Variants in B3GAT2 observed in about 807,000 individuals in gnomAD.
B3GAT2 encodes the protein beta-1,3-glucuronyltransferase 2.
A neutral mutation model predicts 27.8 loss-of-function variants in B3GAT2; 26 were observed. The observed-to-expected ratio is 0.93, with a 90% CI of 0.68 to 1.30. The LOEUF is 1.30. Among genes scored for constraint, B3GAT2 ranks in the 50% most tolerant of loss-of-function variants. B3GAT2 has a pLI of 0.00. For synonymous variants in B3GAT2, 218 were observed against 195.1 expected (o/e 1.12, Z -0.98); for missense variants, 458 against 459.0 (o/e 1.00, Z 0.02).
At chr6:70,955,243 G>C (rs1765635294) in intron 1 of B3GAT2, among the ~76,000 whole-genome samples, 1 of 151,566 alleles carries the variant, frequency 6.6e-6, no homozygotes, top group African/African-American at 2.4e-5. Context: ...AGAGAGGAAG[G>C]ACCTCCATAG....
chr6:70,936,165 C>A (rs986917015), intron 1 of B3GAT2, among the ~76,000 whole-genome samples: 1 of 152,184 alleles, frequency 6.6e-6, no homozygotes, highest in Non-Finnish European at 1.5e-5. Context: ...AAGGCCGTTA[C>A]ATAACGGTAA....
chr6:70,914,729 G>A (rs1297134998), intron 1 of B3GAT2, among the ~76,000 whole-genome samples: 1 of 150,148 alleles, frequency 6.7e-6, no homozygotes, highest in African/African-American at 2.5e-5. Flanking sequence ...AAATGGGAAT[G>A]ATCCTAATCC....
intron 1 of B3GAT2, among the ~76,000 whole-genome samples, chr6:70,953,950 C>A (rs1177396933): frequency 1.3e-5 from 2 of 152,170 alleles, no homozygotes; most frequent in Non-Finnish European, 2.9e-5. Flanking sequence ...AGGCTGTGTC[C>A]TGAATCATTT....
chr6:70,911,368 T>A (rs1283664567), intron 1 of B3GAT2, among the ~76,000 whole-genome samples: 1 of 152,154 alleles, frequency 6.6e-6, no homozygotes, highest in Non-Finnish European at 1.5e-5. Context: ...CTTCTGCATA[T>A]GGGTAGCGAT....
chr6:70,894,211 T>C lies in B3GAT2; in HGVS notation c.653A>G (p.Glu218Gly). The part of the protein sequence containing the change: ...PVGLVGGRRY[E>G]RPLVENGKVV... Reference sequence around the variant, plus strand: ...TTTGCCGTTTTCCACCAGCGGACGTTCGTAGCGCCGCCCACCAACCAGGCC... The same window carrying C: ...TTTGCCGTTTTCCACCAGCGGACGTCCGTAGCGCCGCCCACCAACCAGGCC... Residue 218 changes from glutamate (E) to glycine (G), a missense_variant, in exon 2 of 4, where the codon GAA becomes GGA. By Grantham distance (98) the Glu-to-Gly change is moderately conservative (BLOSUM62 -2). Transcript: ENST00000230053. The C allele has an allele frequency of 6.2e-7, 1 of 1,613,898 alleles. No homozygotes were observed. The highest frequency in any genetic ancestry group is 8.5e-7 in the Non-Finnish European group (1 of 1,179,838).
At chr6:70,893,412 T>C (rs1216299218) in intron 2 of B3GAT2, among the ~76,000 whole-genome samples, 2 of 151,876 alleles carry the variant, frequency 1.3e-5, no homozygotes, top group Non-Finnish European at 2.9e-5. Flanking sequence ...GAATTTTTTT[T>C]TTTTTTGCCT....
chr6:70,903,074 T>C (rs937627015), intron 1 of B3GAT2, among the ~76,000 whole-genome samples: 3 of 152,104 alleles, frequency 2.0e-5, no homozygotes, highest in Non-Finnish European at 2.9e-5. Context: ...GTAATATGTA[T>C]TCCACAATGT....
intron 1 of B3GAT2, among the ~76,000 whole-genome samples, chr6:70,913,550 G>A (rs1304029): frequency 0.42 from 63,353 of 152,048 alleles, 13,664 homozygotes; most frequent in East Asian, 0.6. Context: ...CTTTTGTTGC[G>A]CCATGGTCCA....
chr6:70,932,994 C>A (rs1208594394), intron 1 of B3GAT2, among the ~76,000 whole-genome samples: 1 of 152,090 alleles, frequency 6.6e-6, no homozygotes, highest in Non-Finnish European at 1.5e-5. Context: ...GAGTTGGGGT[C>A]TCATGATGTT....
rs1771587124 is a variant in B3GAT2 at position 70,859,269 on chromosome 6, C to T, written c.*2394G>A. On this transcript the variant is annotated 3_prime_UTR_variant, in exon 4 of 4. Coordinates refer to ENST00000230053, the MANE Select transcript of B3GAT2 (RefSeq NM_080742.3). ...CATGGTCAACATGCTGAAGCACACC[C>T]AGCTCAGGTTAAGGTGCTAGATGAA... is the stretch of plus-strand genomic sequence containing the variant. 5 of 1,237,096 alleles carry T rather than the reference C, an allele frequency of 4.0e-6. No homozygotes were observed. The highest frequency in any genetic ancestry group is 3.0e-5 in the African/African-American group (2 of 66,444). 76.6% of individuals were successfully genotyped at this position (1,237,096 alleles called of 1,614,324 possible). A position where few individuals can be genotyped will look rare whatever the true frequency, so the allele number is the denominator to read the frequency against.
At position 70,860,240 on chromosome 6, in the gene B3GAT2, C is replaced by T. The variant is rs1452932664; in HGVS notation, c.*1423G>A. The T allele has an allele frequency of 1.9e-6, 3 of 1,613,520 alleles. No homozygotes were observed. The highest frequency in any genetic ancestry group is 1.1e-5 in the South Asian group (1 of 91,002). Reference sequence around the variant, plus strand: ...GCTGGCATGAGTATCAGTAGTGCAACCCCTACTGCAGGTTTTGGCCAGCCC... The same window carrying T: ...GCTGGCATGAGTATCAGTAGTGCAATCCCTACTGCAGGTTTTGGCCAGCCC... On this transcript the variant is annotated 3_prime_UTR_variant, in exon 4 of 4. Transcript: ENST00000230053.
intron 2 of B3GAT2, among the ~76,000 whole-genome samples, chr6:70,888,366 T>C (rs1772225510): frequency 6.6e-6 from 1 of 152,164 alleles, no homozygotes; most frequent in African/African-American, 2.4e-5. Context: ...TTACACCAAT[T>C]AAAATTAACC....
chr6:70,925,860 G>A (rs1396029664), intron 1 of B3GAT2, among the ~76,000 whole-genome samples: 1 of 152,244 alleles, frequency 6.6e-6, no homozygotes, highest in Non-Finnish European at 1.5e-5. Context: ...GTGGGTCCCT[G>A]ACCCCTGAGT....
At chr6:70,914,454 A>G (rs924534074) in intron 1 of B3GAT2, among the ~76,000 whole-genome samples, 3 of 152,174 alleles carry the variant, frequency 2.0e-5, no homozygotes, top group African/African-American at 7.2e-5. Context: ...CCTACAAAGG[A>G]TATGAACTCA....
chr6:70,956,813 T>TA lies in B3GAT2; in HGVS notation c.-385_-384insT, dbSNP rs2150055600. 1 of 1,065,248 alleles carries TA rather than the reference T, an allele frequency of 9.4e-7. No individual in the cohort carries two copies. Among genetic ancestry groups the TA allele is most frequent in the Admixed American group, 5.2e-5 (1 of 19,376 alleles). The allele number at this position is 1,065,248 out of a possible 1,614,324, so 66.0% of individuals were successfully genotyped here. On this transcript the variant is annotated 5_prime_UTR_variant, in exon 1 of 4. Transcript: ENST00000230053. ...GCCGAGAAGCGGCACCCGGTGCGCC[T>TA]CGCCGCTCCAGTCCGGCGGTGCTGC...
chr6:70,945,989 G>C (rs1410645293), intron 1 of B3GAT2, among the ~76,000 whole-genome samples: 1 of 151,784 alleles, frequency 6.6e-6, no homozygotes. Context: ...ATAAGTGAAG[G>C]AGAAATAAAA....
At chr6:70,932,240 A>G (rs1187400272) in intron 1 of B3GAT2, among the ~76,000 whole-genome samples, 4 of 152,160 alleles carry the variant, frequency 2.6e-5, no homozygotes, top group Non-Finnish European at 4.4e-5. Flanking sequence ...ACAGTAGGGT[A>G]GTTCTTCAAA....
In B3GAT2 at chr6:70,956,976, TC is replaced by T; in HGVS notation, c.-548del. 1 of 998,700 alleles carries T rather than the reference TC, an allele frequency of 1.0e-6. No homozygotes were observed. The allele number at this position is 998,700 out of a possible 1,614,324, so 61.9% of individuals were successfully genotyped here. Reference sequence around the variant, plus strand: ...GCGGGTGGAGACGCTGGGGGTTGTGTCCCGGCTGTGTTCGCGCGCCGCAGCG... The same window carrying T: ...GCGGGTGGAGACGCTGGGGGTTGTGTCCGGCTGTGTTCGCGCGCCGCAGCG... On this transcript the variant is annotated 5_prime_UTR_variant, in exon 1 of 4. Coordinates refer to ENST00000230053, the MANE Select transcript of B3GAT2 (RefSeq NM_080742.3).
intron 1 of B3GAT2, among the ~76,000 whole-genome samples, chr6:70,937,986 T>C (rs1765324627): frequency 6.6e-6 from 1 of 151,378 alleles, no homozygotes; most frequent in South Asian, 2.1e-4. Flanking sequence ...GACGACATGA[T>C]TGTATATCTA....
Sources: allele counts gnomAD v4.1 joint callset (sites outside exome capture counted in the v4.1 genomes callset), GRCh38; gene constraint gnomAD v4.1.1; transcripts MANE v1.5; gene names NCBI Gene and HGNC (gene_info 2026-07-23, HGNC 2026-07-21).